The following SRRM4 variants were observed in gnomAD, a reference collection of about 807,000 sequenced individuals.
The protein encoded by SRRM4 is serine/arginine repetitive matrix protein 4.
A neutral mutation model predicts 68.9 loss-of-function variants in SRRM4; 33 were observed. That is an observed-to-expected ratio of 0.48 (90% CI 0.36 to 0.64). The LOEUF (loss-of-function observed/expected upper bound fraction) is 0.64, where lower values mean the gene tolerates loss of function less well. Ranked by LOEUF, SRRM4 falls within the 30% of genes least tolerant of loss-of-function variation. The pLI, the probability that SRRM4 is intolerant of heterozygous loss-of-function variation, is 0.00. For missense variants in SRRM4, 817 were observed against 827.1 expected (o/e 0.99, Z 0.15); for synonymous variants, 318 against 318.8 (o/e 1.00, Z 0.03).
chr12:119,004,555 G>C (rs1460331909), intron 1 of SRRM4, among the ~76,000 whole-genome samples: 1 of 151,960 alleles, frequency 6.6e-6, no homozygotes, highest in Non-Finnish European at 1.5e-5. Context: ...TTTCCATCCT[G>C]CAGCTCACAG....
intron 9 of SRRM4, among the ~76,000 whole-genome samples, chr12:119,150,486 A>G (rs1428086975): frequency 6.6e-6 from 1 of 152,182 alleles, no homozygotes; most frequent in African/African-American, 2.4e-5. Flanking sequence ...TGTCCTAAAT[A>G]AAAGGTACCT....
intron 8 of SRRM4, chr12:119,132,993 C>T (rs184747843): frequency 6.6e-6 from 1 of 152,120 alleles, no homozygotes; most frequent in African/African-American, 2.4e-5. Context: ...TAATAACAGT[C>T]TCTTCTTCAG....
At position 119,151,203 on chromosome 12, in the gene SRRM4, C is replaced by A; in HGVS notation, c.1263C>A (p.Ser421=). Residue 421 remains serine (S), a synonymous_variant, in exon 10 of 13, where the codon TCC becomes TCA. Coordinates refer to ENST00000267260, the MANE Select transcript of SRRM4 (RefSeq NM_194286.4). ...RASPRYTQSR[S]TSSEKRSYSR... ...CCCCCAGGTACACCCAAAGCCGATCCACCTCTTCTGAAAAAAGGTGAGTGT... is the reference window on the plus strand; with the variant it reads ...CCCCCAGGTACACCCAAAGCCGATCAACCTCTTCTGAAAAAAGGTGAGTGT... The A allele has an allele frequency of 6.2e-7, 1 of 1,613,986 alleles. No homozygotes were observed. Among genetic ancestry groups the A allele is most frequent in the Non-Finnish European group, 8.5e-7 (1 of 1,179,838 alleles).
At chr12:119,116,861 T>C in intron 3 of SRRM4, 76 bp from the exon 4 acceptor site, 3 of 1,240,388 alleles carry the variant, frequency 2.4e-6, no homozygotes, top group Non-Finnish European at 3.5e-6. Context: ...GTATAAGGAC[T>C]GGGGAAGGTT....
At chr12:119,032,997 T>G (rs1386162003) in intron 1 of SRRM4, among the ~76,000 whole-genome samples, 1 of 152,214 alleles carries the variant, frequency 6.6e-6, no homozygotes, top group Non-Finnish European at 1.5e-5. Flanking sequence ...TCTTTTTTCC[T>G]GCTTTATCCT....
chr12:119,136,223 C>T (rs865906934), intron 8 of SRRM4, among the ~76,000 whole-genome samples: 13 of 152,156 alleles, frequency 8.5e-5, no homozygotes, highest in African/African-American at 2.7e-4. Flanking sequence ...AGGAGAAAGG[C>T]GAGATGGGAA....
chr12:119,133,045 T>C (rs975561351), intron 8 of SRRM4: 3 of 152,144 alleles, frequency 2.0e-5, no homozygotes, highest in African/African-American at 7.2e-5. Flanking sequence ...GGTGCAAAAC[T>C]TGACAAATAA....
chr12:119,038,807 G>A (rs1294233217), intron 1 of SRRM4, among the ~76,000 whole-genome samples: 3 of 152,140 alleles, frequency 2.0e-5, no homozygotes, highest in East Asian at 1.9e-4. Flanking sequence ...TAGATCCGAC[G>A]TGTTATCAGC....
chr12:119,133,890 T>C (rs1012302793), intron 8 of SRRM4, among the ~76,000 whole-genome samples: 3 of 152,160 alleles, frequency 2.0e-5, no homozygotes, highest in Non-Finnish European at 4.4e-5. Flanking sequence ...CAATTGGTGC[T>C]CAGATGCTTA....
rs150484712 is a variant in SRRM4 at position 119,027,042 on chromosome 12, T to TA, written c.131+45030dup. Among the ~76,000 whole-genome samples, 768 of 152,264 alleles carry TA rather than the reference T, an allele frequency of 5.0e-3. 9 individuals carry two copies. Among genetic ancestry groups the TA allele is most frequent in the African/African-American group, 0.017 (723 of 41,546 alleles). On this transcript the variant is annotated intron_variant, in intron 1 of 12. Transcript: ENST00000267260. ...AGGAGTCACATTTAGATGCTTCCTT[T>TA]ATTCCTCTGGACGCTGATGTCTGGG...
In SRRM4 at chr12:119,156,985, T is replaced by G. The variant is rs1050118044; in HGVS notation, c.*187T>G. 5 of 664,998 alleles carry G rather than the reference T, an allele frequency of 7.5e-6. No individual in the cohort carries two copies. Among genetic ancestry groups the G allele is most frequent in the African/African-American group, 3.7e-5 (2 of 54,408 alleles). The allele number at this position is 664,998 out of a possible 1,614,324, so 41.2% of individuals were successfully genotyped here. A position where few individuals can be genotyped will look rare whatever the true frequency, so the allele number is the denominator to read the frequency against. On this transcript the variant is annotated 3_prime_UTR_variant, in exon 13 of 13. Coordinates refer to ENST00000267260, the MANE Select transcript of SRRM4 (RefSeq NM_194286.4). ...TCTAGATCAGCCTGCTAGGAGCCTC[T>G]ACCAGCATCATCCTGGGGCCCAGCT...
intron 1 of SRRM4, among the ~76,000 whole-genome samples, chr12:119,022,724 T>A (rs1953523891): frequency 6.6e-6 from 1 of 152,242 alleles, no homozygotes; most frequent in African/African-American, 2.4e-5. Flanking sequence ...TGTCTCAAAC[T>A]GAGGCCCAGA....
chr12:119,121,135 G>A (rs887234360), intron 5 of SRRM4, among the ~76,000 whole-genome samples: 1 of 152,172 alleles, frequency 6.6e-6, no homozygotes, highest in Non-Finnish European at 1.5e-5. Flanking sequence ...AAGCAGAGGC[G>A]GATCTTGGGT....
At chr12:118,983,038 A>G (rs376560136) in intron 1 of SRRM4, among the ~76,000 whole-genome samples, 53 of 152,304 alleles carry the variant, frequency 3.5e-4, no homozygotes, top group African/African-American at 1.3e-3. Context: ...CAGGGGGACC[A>G]CTTGGAGGAT....
intron 1 of SRRM4, among the ~76,000 whole-genome samples, chr12:119,076,351 G>C (rs1226344142): frequency 6.6e-6 from 1 of 152,088 alleles, no homozygotes; most frequent in Non-Finnish European, 1.5e-5. Context: ...GCTTTGAGAG[G>C]GTTATTTGCC....
intron 8 of SRRM4, among the ~76,000 whole-genome samples, chr12:119,139,046 T>A (rs1283792813): frequency 6.6e-6 from 1 of 152,138 alleles, no homozygotes; most frequent in Non-Finnish European, 1.5e-5. Context: ...AGCAGTTGCA[T>A]GCACAGAGAG....
At chr12:119,137,078 C>T (rs1045451433) in intron 8 of SRRM4, among the ~76,000 whole-genome samples, 1 of 151,848 alleles carries the variant, frequency 6.6e-6, no homozygotes, top group Non-Finnish European at 1.5e-5. Flanking sequence ...GGAAAATAAA[C>T]TTAATGTCTT....
At chr12:119,120,007 G>A (rs1479886822) in intron 4 of SRRM4, among the ~76,000 whole-genome samples, 7 of 151,766 alleles carry the variant, frequency 4.6e-5, no homozygotes, top group African/African-American at 1.7e-4. Context: ...TTAGCTAGGT[G>A]TCCCGACCCC....
chr12:119,089,449 G>A (rs376697296), intron 1 of SRRM4, among the ~76,000 whole-genome samples: 18 of 152,292 alleles, frequency 1.2e-4, no homozygotes, highest in African/African-American at 4.3e-4. Context: ...CTACAGGTGG[G>A]AACAGCTGGA....
Sources: allele counts gnomAD v4.1 joint callset (sites outside exome capture counted in the v4.1 genomes callset), GRCh38; gene constraint gnomAD v4.1.1; transcripts MANE v1.5; gene names NCBI Gene and HGNC (gene_info 2026-07-23, HGNC 2026-07-21).